GCFC2: variants seen among roughly 807,000 people sequenced by gnomAD.
GCFC2 encodes the protein intron Large complex component GCFC2.
A neutral mutation model predicts 99.4 loss-of-function variants in GCFC2; 102 were observed. That is an observed-to-expected ratio of 1.03 (90% CI 0.87 to 1.21). The LOEUF (loss-of-function observed/expected upper bound fraction) is 1.21, where lower values mean the gene tolerates loss of function less well. GCFC2 is among the 50% of genes most tolerant of loss of function. The probability of loss-of-function intolerance (pLI) is 0.00; values close to 1 mark genes in which losing one functional copy is unlikely to be tolerated. For synonymous variants in GCFC2, 338 were observed against 316.8 expected (o/e 1.07, Z -0.71); for missense variants, 973 against 920.9 (o/e 1.06, Z -0.73).
At chr2:75,712,791 C>T (rs1681242535), upstream of GCFC2, among the ~76,000 whole-genome samples, 1 of 152,118 alleles carries the variant, frequency 6.6e-6, no homozygotes, top group Non-Finnish European at 1.5e-5. Flanking sequence ...CCAGACGCGC[C>T]ACCTTAAGAG....
chr2:75,675,175 A>G (rs1215576913), intron 12 of GCFC2, among the ~76,000 whole-genome samples: 1 of 152,214 alleles, frequency 6.6e-6, no homozygotes, highest in African/African-American at 2.4e-5. Context: ...TATGGATGGT[A>G]GATTAAGTGT....
intron 4 of GCFC2, among the ~76,000 whole-genome samples, chr2:75,700,149 A>G (rs916226777): frequency 2.0e-5 from 3 of 152,100 alleles, no homozygotes; most frequent in African/African-American, 7.2e-5. Flanking sequence ...CACCTGACTC[A>G]GCCTCCCGAG....
Position 75,710,805 on chromosome 2 carries a change from G to C in GCFC2, c.51C>G (p.Ser17Arg). ...RTFRQRAADSSDSDGAEESPA... is the reference protein window; with the variant it reads ...RTFRQRAADSRDSDGAEESPA... ...GCGACTCCTCGGCGCCATCGCTGTC[G>C]CTGGAATCAGCCGCGCGCTGCCGAA... Residue 17 changes from serine to arginine, a missense_variant, in exon 1 of 17, where the codon AGC becomes AGG. Ser to Arg is a moderately radical substitution (Grantham distance 110). Coordinates refer to ENST00000321027, the MANE Select transcript of GCFC2 (RefSeq NM_003203.5). The C allele has an allele frequency of 6.3e-7, 1 of 1,578,288 alleles. No homozygotes were observed. Among genetic ancestry groups the C allele is most frequent in the Non-Finnish European group, 8.6e-7 (1 of 1,168,886 alleles).
At chr2:75,711,520 T>C (rs1459149142), upstream of GCFC2, among the ~76,000 whole-genome samples, 2 of 152,268 alleles carry the variant, frequency 1.3e-5, no homozygotes, top group East Asian at 1.9e-4. Flanking sequence ...CTCTGTCTAC[T>C]ACTGTATCTG....
chr2:75,674,063 T>C (rs972145103), intron 12 of GCFC2, among the ~76,000 whole-genome samples: 3 of 152,232 alleles, frequency 2.0e-5, no homozygotes, highest in Non-Finnish European at 4.4e-5. Flanking sequence ...TCATATTTCA[T>C]TTTGTTGTTT....
At chr2:75,682,046 C>T (rs1359591111) in intron 11 of GCFC2, among the ~76,000 whole-genome samples, 3 of 151,934 alleles carry the variant, frequency 2.0e-5, no homozygotes, top group African/African-American at 7.3e-5. Flanking sequence ...CCTTGCCTGA[C>T]AGTTCTGAAG....
At chr2:75,670,949 C>T (rs552841810) in intron 14 of GCFC2, 4 of 152,212 alleles carry the variant, frequency 2.6e-5, no homozygotes, top group African/African-American at 9.6e-5. Flanking sequence ...TTCCCTCTTC[C>T]CAGAAAGCCT....
chr2:75,669,511 G>A (rs1274873096), intron 15 of GCFC2, among the ~76,000 whole-genome samples: 3 of 151,948 alleles, frequency 2.0e-5, no homozygotes, highest in Non-Finnish European at 4.4e-5. Flanking sequence ...TACCATCTTA[G>A]TATATTTTAT....
At chr2:75,673,758 AG>A (rs1446911344) in intron 12 of GCFC2, among the ~76,000 whole-genome samples, 20 of 152,184 alleles carry the variant, frequency 1.3e-4, no homozygotes, top group South Asian at 2.1e-4. Flanking sequence ...TGGAACACTT[AG>A]GTGATTTCTG....
rs550051708 is a variant in GCFC2, at chr2:75,687,067, T to C, written c.1690+760A>G. On this transcript the variant is annotated intron_variant, in intron 11 of 16. Transcript: ENST00000321027. The stretch of plus-strand genomic sequence containing the variant: ...CTCCTGCCTCAGCCTCCTGAGTAGC[T>C]GGGATTACAGGTGCCTGCTACCACA... Among the ~76,000 whole-genome samples, 12 of 152,234 alleles carry C rather than the reference T, an allele frequency of 7.9e-5. No individual in the cohort carries two copies. The South Asian group carries it at 2.5e-3, about 32-fold the overall frequency.
upstream of GCFC2, among the ~76,000 whole-genome samples, chr2:75,711,458 T>C (rs1387317939): frequency 6.6e-6 from 1 of 152,252 alleles, no homozygotes; most frequent in East Asian, 1.9e-4. Context: ...AAAGAAACTA[T>C]CTAAAAACAA....
Position 75,665,909 on chromosome 2 carries a change from G to C in GCFC2, c.2228+20C>G. The C allele has an allele frequency of 6.6e-7, 1 of 1,522,708 alleles. No homozygotes were observed. 94.3% of individuals were successfully genotyped at this position (1,522,708 alleles called of 1,614,324 possible). A position where few individuals can be genotyped will look rare whatever the true frequency, so the allele number is the denominator to read the frequency against. ...ATCCATGAACTCTCTTTATAGAAGT[G>C]AAAATAAAATATGCATTACCTGAAT... is the stretch of plus-strand genomic sequence containing the variant. On this transcript the variant is annotated intron_variant, in intron 16 of 16. Coordinates refer to ENST00000321027, the MANE Select transcript of GCFC2 (RefSeq NM_003203.5).
intron 15 of GCFC2, among the ~76,000 whole-genome samples, chr2:75,667,641 T>G (rs965977224): frequency 7.9e-5 from 12 of 152,234 alleles, no homozygotes; most frequent in Admixed American, 5.2e-4. Flanking sequence ...TCATTTGCAC[T>G]TGTTTTCCCC....
intron 11 of GCFC2, among the ~76,000 whole-genome samples, chr2:75,683,610 TA>T (rs1347406396): frequency 6.6e-6 from 1 of 151,898 alleles, no homozygotes; most frequent in Non-Finnish European, 1.5e-5. Context: ...ACTTTAAAAG[TA>T]AATGGGCTAA....
chr2:75,677,477 G>T (rs926698912), intron 12 of GCFC2, among the ~76,000 whole-genome samples: 12 of 152,188 alleles, frequency 7.9e-5, no homozygotes, highest in Non-Finnish European at 1.5e-4. Context: ...TTTTGGTTGT[G>T]AAGACCGGGG....
At chr2:75,688,079 A>C in intron 10 of GCFC2, 102 bp from the exon 11 acceptor site, 1 of 700,988 alleles carries the variant, frequency 1.4e-6, no homozygotes, top group South Asian at 2.1e-5. Context: ...TTTTCTAAGG[A>C]TCAGAAGAGA....
At chr2:75,678,046 C>G (rs1679426892) in intron 12 of GCFC2, among the ~76,000 whole-genome samples, 1 of 150,148 alleles carries the variant, frequency 6.7e-6, no homozygotes, top group Admixed American at 6.7e-5. Context: ...TCACAAAGAG[C>G]CAGGTCTACC....
chr2:75,677,289 A>C (rs1259183125), intron 12 of GCFC2, among the ~76,000 whole-genome samples: 3 of 152,238 alleles, frequency 2.0e-5, no homozygotes, highest in Non-Finnish European at 4.4e-5. Context: ...TTGAAAACAG[A>C]AACTATGTTG....
chr2:75,701,406 CATA>C, intron 3 of GCFC2, 119 bp from the exon 4 acceptor site: 2 of 622,044 alleles, frequency 3.2e-6, no homozygotes, highest in Non-Finnish European at 2.8e-6. Flanking sequence ...ATTTATTCTT[CATA>C]ATAATTCTGG....
Sources: allele counts gnomAD v4.1 joint callset (sites outside exome capture counted in the v4.1 genomes callset), GRCh38; gene constraint gnomAD v4.1.1; transcripts MANE v1.5; gene names NCBI Gene and HGNC (gene_info 2026-07-23, HGNC 2026-07-21).